ROBO1: variants seen among roughly 807,000 people sequenced by gnomAD.
ROBO1 encodes roundabout guidance receptor 1.
A neutral mutation model predicts 195.9 loss-of-function variants in ROBO1; 149 were observed. The ratio of observed to expected loss-of-function variants is 0.76; its 90% CI spans 0.67 to 0.87. The LOEUF (loss-of-function observed/expected upper bound fraction) is 0.87, where lower values mean the gene tolerates loss of function less well. ROBO1 is among the 40% of genes least tolerant of loss of function. ROBO1 has a pLI of 0.00. For synonymous variants in ROBO1, 816 were observed against 733.2 expected, an observed-to-expected ratio of 1.11 and a Z score of -1.82; for missense variants, 1,933 against 2,068.3, an observed-to-expected ratio of 0.93 and a Z score of 1.27.
intron 3 of ROBO1, among the ~76,000 whole-genome samples, chr3:79,010,509 T>C (rs560495663): frequency 3.3e-5 from 5 of 152,262 alleles, no homozygotes; most frequent in Middle Eastern, 3.4e-3. Flanking sequence ...CCATTATTAT[T>C]AGAGATATTA....
chr3:79,623,233 A>G (rs1401011295), intron 1 of ROBO1, among the ~76,000 whole-genome samples: 1 of 152,224 alleles, frequency 6.6e-6, no homozygotes, highest in Non-Finnish European at 1.5e-5. Flanking sequence ...ACTCACAAGG[A>G]TGAGAAAGAA....
intron 1 of ROBO1, among the ~76,000 whole-genome samples, chr3:79,665,736 A>G (rs1946458792): frequency 6.6e-6 from 1 of 151,974 alleles, no homozygotes; most frequent in South Asian, 2.1e-4. Context: ...AAAATCAAAC[A>G]GAAAGTAGAC....
intron 3 of ROBO1, 46 bp from the exon 4 acceptor site, chr3:78,938,973 G>A (rs1027357750): frequency 2.0e-6 from 3 of 1,478,582 alleles, no homozygotes; most frequent in Non-Finnish European, 2.8e-6. Context: ...CTTGAAAACA[G>A]TTAATCGCTT....
chr3:78,721,432 T>C (rs1472622208), intron 5 of ROBO1, among the ~76,000 whole-genome samples: 1 of 152,216 alleles, frequency 6.6e-6, no homozygotes, highest in Non-Finnish European at 1.5e-5. Flanking sequence ...TTATTAGTTC[T>C]ATAACTTTGG....
At chr3:79,471,001 G>A (rs1033631180) in intron 2 of ROBO1, among the ~76,000 whole-genome samples, 4 of 152,048 alleles carry the variant, frequency 2.6e-5, no homozygotes, top group African/African-American at 9.7e-5. Context: ...ACTGTAGAGT[G>A]GAATCAGCAG....
chr3:79,464,368 C>T (rs1334770376), intron 2 of ROBO1, among the ~76,000 whole-genome samples: 3 of 152,190 alleles, frequency 2.0e-5, no homozygotes, highest in Non-Finnish European at 4.4e-5. Flanking sequence ...GGTTGCACTA[C>T]TTTAAATTTC....
At chr3:78,736,159 T>C (rs2082387299) in intron 5 of ROBO1, among the ~76,000 whole-genome samples, 1 of 152,154 alleles carries the variant, frequency 6.6e-6, no homozygotes. Context: ...AAATACGTAA[T>C]TGTATGTGGA....
chr3:79,349,106 G>A (rs995110471), intron 2 of ROBO1, among the ~76,000 whole-genome samples: 1 of 152,154 alleles, frequency 6.6e-6, no homozygotes, highest in South Asian at 2.1e-4. Context: ...CTTTACATAC[G>A]AAAGTAAAAT....
At chr3:78,615,411 C>T (rs1466631752) in intron 27 of ROBO1, among the ~76,000 whole-genome samples, 1 of 152,122 alleles carries the variant, frequency 6.6e-6, no homozygotes, top group African/African-American at 2.4e-5. Context: ...GGATACTTAA[C>T]GTGATCCCTC....
At chr3:78,853,031 G>A (rs1360009735) in intron 4 of ROBO1, among the ~76,000 whole-genome samples, 3 of 152,152 alleles carry the variant, frequency 2.0e-5, no homozygotes, top group African/African-American at 7.2e-5. Context: ...GGAACAGATT[G>A]GAGGAAATTA....
At chr3:79,001,153 G>C (rs962817450) in intron 3 of ROBO1, among the ~76,000 whole-genome samples, 2 of 152,016 alleles carry the variant, frequency 1.3e-5, no homozygotes, top group East Asian at 1.9e-4. Flanking sequence ...GAGAGCATTA[G>C]GACAAATACC....
chr3:79,018,435 G>A, intron 3 of ROBO1: 1 of 1,613,862 alleles, frequency 6.2e-7, no homozygotes, highest in Non-Finnish European at 8.5e-7. Flanking sequence ...ATCCAAACAG[G>A]TAAAAGTGAG....
At chr3:79,126,072 C>CT (rs1326695745) in intron 2 of ROBO1, among the ~76,000 whole-genome samples, 3 of 152,098 alleles carry the variant, frequency 2.0e-5, no homozygotes, top group Middle Eastern at 3.2e-3. Flanking sequence ...AAATGTCATA[C>CT]TTTTTTCTGA....
At chr3:79,719,943 A>G (rs1032016520) in intron 1 of ROBO1, among the ~76,000 whole-genome samples, 2 of 152,340 alleles carry the variant, frequency 1.3e-5, no homozygotes, top group Admixed American at 1.3e-4. Context: ...TCCTTTTGGT[A>G]GTTGGGTAAA....
chr3:79,696,188 G>A (rs1301097710), intron 1 of ROBO1, among the ~76,000 whole-genome samples: 3 of 151,288 alleles, frequency 2.0e-5, no homozygotes, highest in Admixed American at 6.6e-5. Flanking sequence ...TTTCCTCCAA[G>A]ACTGATTTCT....
chr3:78,670,485 A>G, intron 10 of ROBO1, 184 bp from the exon 11 acceptor site: 1 of 588,994 alleles, frequency 1.7e-6, no homozygotes, highest in South Asian at 2.1e-5. Flanking sequence ...TACTAAAATG[A>G]GACACAATGT....
intron 1 of ROBO1, among the ~76,000 whole-genome samples, chr3:79,628,337 C>T (rs1205605295): frequency 6.6e-6 from 1 of 152,070 alleles, no homozygotes; most frequent in Admixed American, 6.6e-5. Context: ...TTTTCAGGGA[C>T]ATGGATGAAG....
At chr3:78,687,995 T>G (rs1575937710) in intron 9 of ROBO1, among the ~76,000 whole-genome samples, 1 of 151,982 alleles carries the variant, frequency 6.6e-6, no homozygotes, top group African/African-American at 2.4e-5. Context: ...TTTTAAACGC[T>G]TCTAAGATTT....
chr3:78,961,196 CCAAAAGTATG>C (rs1182007103), intron 3 of ROBO1, among the ~76,000 whole-genome samples: 3 of 151,944 alleles, frequency 2.0e-5, no homozygotes, highest in Non-Finnish European at 2.9e-5. Flanking sequence ...AATCTGACAC[CCAAAAGTATG>C]CAAAAGCCCT....
Sources: gnomAD v4.1 joint callset for allele counts (sites outside exome capture counted in the v4.1 genomes callset) on GRCh38, gnomAD v4.1.1 for gene constraint, MANE v1.5 for transcripts, NCBI Gene and HGNC (gene_info 2026-07-23, HGNC 2026-07-21) for gene names.